Variants in TNRC18 observed in about 807,000 individuals in gnomAD.
TNRC18 encodes the protein trinucleotide repeat-containing gene 18 protein.
A neutral mutation model predicts 226.7 loss-of-function variants in TNRC18; 69 were observed. That is an observed-to-expected ratio of 0.30 (90% CI 0.25 to 0.37). The LOEUF is 0.37. TNRC18 is among the 10% of genes least tolerant of loss of function. The pLI, the probability that TNRC18 is intolerant of heterozygous loss-of-function variation, is 1.00. For missense variants in TNRC18, 4,754 were observed against 4,256.6 expected (o/e 1.12, Z -3.25); for synonymous variants, 2,449 against 1,927.6 (o/e 1.27, Z -7.09).
chr7:5,321,647 ATTT>A (rs1788371235), intron 21 of TNRC18, among the ~76,000 whole-genome samples: 2 of 120,898 alleles, frequency 1.7e-5, no homozygotes, highest in South Asian at 6.1e-4. Flanking sequence ...GACTTTATTT[ATTT>A]ATTTATTTAT....
chr7:5,364,461 AAACACACACACACACAC>A (rs755361820), intron 11 of TNRC18, among the ~76,000 whole-genome samples: 75 of 124,974 alleles, frequency 6.0e-4, no homozygotes, highest in East Asian at 3.5e-3. Flanking sequence ...GTCTCAAAGA[AAACACACACACACACAC>A]ACACACACAC....
At chr7:5,371,851 G>A (rs943567292) in intron 10 of TNRC18, among the ~76,000 whole-genome samples, 10 of 152,084 alleles carry the variant, frequency 6.6e-5, no homozygotes, top group African/African-American at 1.7e-4. Flanking sequence ...GGGGATGATC[G>A]CTTAAATTCA....
rs759078944 is a variant in TNRC18 at position 5,387,930 on chromosome 7, G to C, written c.1894C>G (p.Arg632Gly). The C allele has an allele frequency of 3.1e-6, 5 of 1,596,600 alleles. No individual in the cohort carries two copies. The highest frequency in any genetic ancestry group is 4.5e-5 in the East Asian group (2 of 44,136). Residue 632 changes from arginine (R) to glycine (G), a missense_variant, in exon 5 of 30, where the codon CGA (arginine) becomes GGA (glycine). Arg to Gly is a moderately radical substitution (Grantham distance 125). Coordinates refer to ENST00000430969, the MANE Select transcript of TNRC18 (RefSeq NM_001080495.3). ...EPAPTSAGAS[R>G]AQARLPHSGG... is the part of the protein sequence containing the mutation. ...GAGTGTGGGAGACGGGCCTGGGCTC[G>C]GGAGGCACCCGCAGAGGTGGGCGCA...
Position 5,378,044 on chromosome 7 carries a change from A to G in TNRC18, c.2153-20T>C. ...CGTGCCCTGCAGGGGGCCAGGTGGA[A>G]GTGAGCCCCCAGCCAGCACCGAGCC... On this transcript the variant is annotated intron_variant, in intron 5 of 29. Coordinates refer to ENST00000430969, the MANE Select transcript of TNRC18 (RefSeq NM_001080495.3). The G allele has an allele frequency of 6.3e-7, 1 of 1,599,904 alleles. No homozygotes were observed. Among genetic ancestry groups the G allele is most frequent in the Admixed American group, 1.7e-5 (1 of 59,824 alleles).
chr7:5,394,533 T>C lies in TNRC18; in HGVS notation c.250A>G (p.Ser84Gly). 1 of 1,552,226 alleles carries C rather than the reference T, an allele frequency of 6.4e-7. No individual in the cohort carries two copies. Among genetic ancestry groups the C allele is most frequent in the African/African-American group, 1.4e-5 (1 of 72,712 alleles). The change falls in exon 3 of 30, where the codon AGC becomes GGC. Residue 84 changes from serine (S) to glycine (G), a missense_variant. Ser to Gly is a moderately conservative substitution (Grantham distance 56). Transcript: ENST00000430969. This position sits in a 1 kb window ranked among gnomAD's most constrained non-coding sequence, Gnocchi z 4.5. Reference sequence around the variant, plus strand: ...AGGTCAGAGGGCAGTGGCACTGGGCTCCCATGGGACGAGGCCGAGGGCCCC... The same window carrying C: ...AGGTCAGAGGGCAGTGGCACTGGGCCCCCATGGGACGAGGCCGAGGGCCCC... The part of the protein sequence containing the change: ...GMGPSASSHG[S>G]PVPLPSDLSF...
chr7:5,398,247 C>T (rs1478080173), intron 2 of TNRC18, among the ~76,000 whole-genome samples: 4 of 152,012 alleles, frequency 2.6e-5, no homozygotes, highest in Non-Finnish European at 5.9e-5. Context: ...CTCGGCTCAC[C>T]GCACCTTCCG....
Position 5,314,837 on chromosome 7 carries a change from C to T in TNRC18, c.7027+147G>A, listed in dbSNP as rs769801720. 317 of 875,780 alleles carry T rather than the reference C, an allele frequency of 3.6e-4. 1 individual carries two copies. Among genetic ancestry groups the T allele is most frequent in the Middle Eastern group, 7.0e-4 (2 of 2,838 alleles). 54.3% of individuals were successfully genotyped at this position (875,780 alleles called of 1,614,324 possible). On this transcript the variant is annotated intron_variant, in intron 26 of 29. Transcript: ENST00000430969. ...ATCTGCTCGCCTTGGCCTCCCAAAG[C>T]GCTGGGATTACAGGTGTGAGGCACT...
At chr7:5,345,517 G>GCTCCCCCCCCCCC in intron 18 of TNRC18, 45 bp downstream of exon 18, 3 of 377,742 alleles carry the variant, frequency 7.9e-6, no homozygotes, top group South Asian at 4.4e-5. Context: ...AATGGCGTCC[G>GCTCCCCCCCCCCC]CCCCTCCCAC....
rs1240799600 is a variant in TNRC18 at position 5,307,378 on chromosome 7, G to GCCA, written c.*725_*727dup. On this transcript the variant is annotated 3_prime_UTR_variant, in exon 30 of 30. Coordinates refer to ENST00000430969, the MANE Select transcript of TNRC18 (RefSeq NM_001080495.3). ...AATAAAACTGTACAGGTTAAGAAGT[G>GCCA]CCACCTCCCTCCTGGGTGGGGAGGG... 6 of 282,780 alleles carry GCCA rather than the reference G, an allele frequency of 2.1e-5. No homozygotes were observed. The highest frequency in any genetic ancestry group is 1.4e-4 in the African/African-American group (6 of 43,666). The allele number at this position is 282,780 out of a possible 1,614,324, so 17.5% of individuals were successfully genotyped here.
At chr7:5,350,097 C>G (rs987900834) in intron 17 of TNRC18, among the ~76,000 whole-genome samples, 2 of 145,618 alleles carry the variant, frequency 1.4e-5, no homozygotes, top group Admixed American at 6.9e-5. Flanking sequence ...TTTAAGGGGG[C>G]GTGGGGTCCA....
chr7:5,421,294 AG>A lies in TNRC18; in HGVS notation c.-49del. ...AGCCCCCCACCCGGCCCGCAGGCCT[AG>A]CTCAGTGGGACCTAAAAGTTCGGCC... is the stretch of plus-strand genomic sequence containing the variant. On this transcript the variant is annotated 5_prime_UTR_variant, in exon 2 of 30. Coordinates refer to ENST00000430969, the MANE Select transcript of TNRC18 (RefSeq NM_001080495.3). The A allele has an allele frequency of 8.0e-7, 1 of 1,246,312 alleles. No individual in the cohort carries two copies. The highest frequency in any genetic ancestry group is 1.0e-6 in the Non-Finnish European group (1 of 992,492). The allele number at this position is 1,246,312 out of a possible 1,614,324, so 77.2% of individuals were successfully genotyped here.
chr7:5,313,004 T>TGAG lies in TNRC18; in HGVS notation c.7884_7886dup (p.Ser2671dup), dbSNP rs753861831. Reference sequence around the variant, plus strand: ...AAGAGGAGGAGGAGGAAGAGGAGGATGAGGAGGAGGAGGAGGAGGAGGAGG... The same window carrying TGAG: ...AAGAGGAGGAGGAGGAAGAGGAGGATGAGGAGGAGGAGGAGGAGGAGGAGGAGG... On this transcript the variant is annotated inframe_insertion, in exon 27 of 30. Transcript: ENST00000430969. 5,467 of 749,392 alleles carry TGAG rather than the reference T, an allele frequency of 7.3e-3. 7 individuals carry two copies. The highest frequency in any genetic ancestry group is 0.015 in the African/African-American group (671 of 43,650). The allele number at this position is 749,392 out of a possible 1,614,324, so 46.4% of individuals were successfully genotyped here. A position where few individuals can be genotyped will look rare whatever the true frequency, so the allele number is the denominator to read the frequency against.
intron 5 of TNRC18, among the ~76,000 whole-genome samples, chr7:5,382,304 C>T (rs1010182635): frequency 6.6e-6 from 1 of 152,216 alleles, no homozygotes; most frequent in African/African-American, 2.4e-5. Flanking sequence ...CACTGCCGCC[C>T]CCTCTCTGCA....
Position 5,389,461 on chromosome 7 carries a change from G to GTTTTTTTGTTTTTTTTTTGTTTTTTTT in TNRC18, c.488-126_488-125insAAAAAAAACAAAAAAAAAACAAAAAAA, listed in dbSNP as rs1554297477. On this transcript the variant is annotated intron_variant, in intron 4 of 29. Coordinates refer to ENST00000430969, the MANE Select transcript of TNRC18 (RefSeq NM_001080495.3). ...TGCCTCCCCCAGTGTTTTGGTTTTGGTTTTTTTTTTCAGAAAGAGTCTCGC... is the reference window on the plus strand; with the variant it reads ...TGCCTCCCCCAGTGTTTTGGTTTTGGTTTTTTTGTTTTTTTTTTGTTTTTTTTTTTTTTTTTTCAGAAAGAGTCTCGC... The GTTTTTTTGTTTTTTTTTTGTTTTTTTT allele has an allele frequency of 2.5e-4, 144 of 565,502 alleles. 5 individuals are homozygous for GTTTTTTTGTTTTTTTTTTGTTTTTTTT. The highest frequency in any genetic ancestry group is 3.4e-4 in the Admixed American group (4 of 11,738). 35.0% of individuals were successfully genotyped at this position (565,502 alleles called of 1,614,324 possible). A position where few individuals can be genotyped will look rare whatever the true frequency, so the allele number is the denominator to read the frequency against.
In TNRC18 at chr7:5,388,964, C is replaced by A; in HGVS notation, c.860G>T (p.Gly287Val). 1 of 1,388,520 alleles carries A rather than the reference C, an allele frequency of 7.2e-7. No individual in the cohort carries two copies. The allele number at this position is 1,388,520 out of a possible 1,614,324, so 86.0% of individuals were successfully genotyped here. ...CGCGGGCAGCCCCACGTCCCCGGCG[C>A]CGCCGTTGCACATGGTCAGTACCGA... ...QPSVLTMCNG[G>V]AGDVGLPALV... The change falls in exon 5 of 30, where the codon GGC (glycine) becomes GTC (valine). Residue 287 changes from glycine to valine, a missense_variant. Gly to Val is a moderately radical substitution (Grantham distance 109). Transcript: ENST00000430969.
Position 5,312,376 on chromosome 7 carries a change from C to G in TNRC18, c.8388+127G>C. ...CAGTGTACCCATCCATAAAGTGGGACGCCAGCCCTCCACCCTGGGGTTCTG... is the reference window on the plus strand; with the variant it reads ...CAGTGTACCCATCCATAAAGTGGGAGGCCAGCCCTCCACCCTGGGGTTCTG... On this transcript the variant is annotated intron_variant, in intron 27 of 29. Coordinates refer to ENST00000430969, the MANE Select transcript of TNRC18 (RefSeq NM_001080495.3). The surrounding 1 kb of genome is among the most constrained non-coding windows in gnomAD (Gnocchi z 6.3). 7.2e-7 allele frequency: 1 copy of G among 1,379,818 alleles called. No homozygotes were observed. Among genetic ancestry groups the G allele is most frequent in the South Asian group, 1.5e-5 (1 of 66,626 alleles). The allele number at this position is 1,379,818 out of a possible 1,614,324, so 85.5% of individuals were successfully genotyped here.
intron 8 of TNRC18, 41 bp downstream of exon 8, chr7:5,376,806 G>C: frequency 1.3e-6 from 2 of 1,595,156 alleles, no homozygotes; most frequent in Non-Finnish European, 1.7e-6. Flanking sequence ...GCTGGGCATG[G>C]CCAGTCTGGC....
intron 21 of TNRC18, among the ~76,000 whole-genome samples, chr7:5,323,129 G>C (rs570877962): frequency 6.6e-6 from 1 of 152,318 alleles, no homozygotes; most frequent in East Asian, 1.9e-4. Context: ...GACGCACACA[G>C]GCGGCGGCTG....
intron 5 of TNRC18, among the ~76,000 whole-genome samples, chr7:5,385,351 G>A (rs893130136): frequency 1.2e-4 from 19 of 152,050 alleles, no homozygotes; most frequent in Non-Finnish European, 2.4e-4. Context: ...AGCCGGGCGC[G>A]GTGGCGGGCG....
Sources: gnomAD v4.1 joint callset for allele counts (sites outside exome capture counted in the v4.1 genomes callset) on GRCh38, gnomAD v4.1.1 for gene constraint, Gnocchi (gnomAD v3.1) non-coding constraint, MANE v1.5 for transcripts, NCBI Gene and HGNC (gene_info 2026-07-23, HGNC 2026-07-21) for gene names.